Variants in YTHDC2 observed in about 807,000 individuals in gnomAD.
YTHDC2 encodes the protein 3'-5' RNA helicase YTHDC2.
YTHDC2 carries 45 observed loss-of-function variants against 174.9 expected under a neutral mutation model. That is an observed-to-expected ratio of 0.26 (90% CI 0.20 to 0.33). YTHDC2 has a LOEUF of 0.33. YTHDC2 is among the 10% of genes least tolerant of loss of function. YTHDC2 has a pLI of 1.00. For missense variants in YTHDC2, 1,650 were observed against 1,723.7 expected (o/e 0.96, Z 0.76); for synonymous variants, 657 against 574.5 (o/e 1.14, Z -2.05).
At chr5:113,557,772 C>T (rs1776711355) in intron 17 of YTHDC2, among the ~76,000 whole-genome samples, 1 of 151,980 alleles carries the variant, frequency 6.6e-6, no homozygotes, top group East Asian at 1.9e-4. Flanking sequence ...TCTACTCCAG[C>T]CGGAGCGACA....
intron 2 of YTHDC2, among the ~76,000 whole-genome samples, chr5:113,521,069 T>G (rs1434648865): frequency 6.6e-6 from 1 of 152,216 alleles, no homozygotes; most frequent in Non-Finnish European, 1.5e-5. Flanking sequence ...CAGCTCCATC[T>G]GTGTTCCTGC....
intron 2 of YTHDC2, among the ~76,000 whole-genome samples, chr5:113,518,567 G>C (rs191964619): frequency 1.4e-5 from 1 of 70,918 alleles, no homozygotes; most frequent in African/African-American, 1.3e-4. Flanking sequence ...GTGTGTGTGT[G>C]TGTGTGTGTG....
At chr5:113,561,348 A>G (rs527977866) in intron 18 of YTHDC2, among the ~76,000 whole-genome samples, 163 bp downstream of exon 18, 3 of 152,150 alleles carry the variant, frequency 2.0e-5, no homozygotes, top group East Asian at 3.9e-4. Flanking sequence ...TTTTTTCTAT[A>G]TAAGAAAATT....
chr5:113,533,504 GC>G (rs1467526231), intron 5 of YTHDC2, among the ~76,000 whole-genome samples: 1 of 150,906 alleles, frequency 6.6e-6, no homozygotes, highest in Non-Finnish European at 1.5e-5. Context: ...AGCTGAGATC[GC>G]ACCATGGCAC....
intron 10 of YTHDC2, among the ~76,000 whole-genome samples, chr5:113,548,132 A>C (rs1396822170): frequency 6.6e-6 from 1 of 152,178 alleles, no homozygotes; most frequent in Non-Finnish European, 1.5e-5. Context: ...TTAAGTATTC[A>C]TTACTAGTTA....
At chr5:113,533,128 C>A (rs185133758) in intron 5 of YTHDC2, 83 bp downstream of exon 5, 1 of 1,470,940 alleles carries the variant, frequency 6.8e-7, no homozygotes, top group East Asian at 2.4e-5. Flanking sequence ...AGGATGTGTT[C>A]GTTGAAAAGT....
chr5:113,561,613 C>A (rs1410446493), intron 18 of YTHDC2, among the ~76,000 whole-genome samples: 1 of 151,430 alleles, frequency 6.6e-6, no homozygotes, highest in Non-Finnish European at 1.5e-5. Flanking sequence ...GGATTACAGG[C>A]GCCCACCACC....
intron 12 of YTHDC2, among the ~76,000 whole-genome samples, chr5:113,551,649 T>G (rs1776258958): frequency 1.3e-5 from 2 of 152,058 alleles, no homozygotes; most frequent in East Asian, 3.9e-4. Flanking sequence ...GAGAAATACC[T>G]AATGTAAATG....
intron 23 of YTHDC2, among the ~76,000 whole-genome samples, chr5:113,568,606 T>C (rs1396535672): frequency 1.3e-5 from 2 of 152,202 alleles, no homozygotes; most frequent in Non-Finnish European, 2.9e-5. Context: ...CTCCCACTTA[T>C]AAGTGAGAAC....
chr5:113,580,159 G>C (rs539599694), intron 24 of YTHDC2, among the ~76,000 whole-genome samples: 16 of 152,138 alleles, frequency 1.1e-4, no homozygotes, highest in African/African-American at 3.6e-4. Context: ...CATTCATGAA[G>C]CCAGAGCCCT....
chr5:113,572,643 G>T (rs182768726), intron 23 of YTHDC2, among the ~76,000 whole-genome samples: 2 of 152,274 alleles, frequency 1.3e-5, no homozygotes, highest in East Asian at 3.9e-4. Flanking sequence ...ATGAATCTGG[G>T]TGCTCCTGTA....
At chr5:113,531,009 C>T (rs1162626880) in intron 4 of YTHDC2, among the ~76,000 whole-genome samples, 3 of 152,128 alleles carry the variant, frequency 2.0e-5, no homozygotes, top group African/African-American at 7.2e-5. Flanking sequence ...TCTCTCCGCT[C>T]TTTTCTTGCA....
chr5:113,545,929 A>G (rs1273872836), intron 10 of YTHDC2, among the ~76,000 whole-genome samples: 1 of 68,718 alleles, frequency 1.5e-5, no homozygotes, highest in Admixed American at 1.6e-4. Flanking sequence ...TTTAGTAGAG[A>G]CGGGGTTTCA....
At chr5:113,532,797 T>C in intron 4 of YTHDC2, 82 bp from the exon 5 acceptor site, 1 of 1,277,266 alleles carries the variant, frequency 7.8e-7, no homozygotes, top group African/African-American at 1.5e-5. Flanking sequence ...ACTTCAATTC[T>C]AGTGGTTTTT....
chr5:113,567,863 G>T lies in YTHDC2; in HGVS notation c.3244+14G>T. The T allele has an allele frequency of 6.9e-7, 1 of 1,447,716 alleles. No homozygotes were observed. Among genetic ancestry groups the T allele is most frequent in the South Asian group, 1.6e-5 (1 of 61,490 alleles). 89.7% of individuals were successfully genotyped at this position (1,447,716 alleles called of 1,614,324 possible). A position where few individuals can be genotyped will look rare whatever the true frequency, so the allele number is the denominator to read the frequency against. On this transcript the variant is annotated intron_variant, in intron 23 of 29. Coordinates refer to ENST00000161863, the MANE Select transcript of YTHDC2 (RefSeq NM_022828.5). ...CATCCTTTAGAGGTAAATGTATTAAGGAAATAAAAATCTATTTGAAATGAA... is the reference window on the plus strand; with the variant it reads ...CATCCTTTAGAGGTAAATGTATTAATGAAATAAAAATCTATTTGAAATGAA...
chr5:113,545,510 G>T (rs1775806567), intron 10 of YTHDC2, among the ~76,000 whole-genome samples: 1 of 146,150 alleles, frequency 6.8e-6, no homozygotes. Flanking sequence ...AGCCTCCAGA[G>T]CTTTGGATTT....
intron 8 of YTHDC2, among the ~76,000 whole-genome samples, chr5:113,539,957 A>G (rs1212622054): frequency 6.6e-6 from 1 of 152,156 alleles, no homozygotes; most frequent in Non-Finnish European, 1.5e-5. Flanking sequence ...GCTGGAGTGC[A>G]TTGGTGCAAT....
chr5:113,567,082 T>TC lies in YTHDC2; in HGVS notation c.2843-6dup, dbSNP rs766405202. On this transcript the variant is annotated splice_polypyrimidine_tract_variant and intron_variant, in intron 21 of 29. Transcript: ENST00000161863. The stretch of plus-strand genomic sequence containing the variant: ...AATAGAAAAATTGGTGTGGTTTTTT[T>TC]CCCCTCTAGGTTTTGTTAGAGCACG... 1.2e-6 allele frequency: 2 copies of TC among 1,603,546 alleles called. No homozygotes were observed. Among genetic ancestry groups the TC allele is most frequent in the Non-Finnish European group, 1.7e-6 (2 of 1,176,414 alleles).
intron 4 of YTHDC2, among the ~76,000 whole-genome samples, chr5:113,529,110 C>G (rs540176179): frequency 6.6e-6 from 1 of 151,752 alleles, no homozygotes; most frequent in African/African-American, 2.4e-5. Flanking sequence ...GCATAGTATT[C>G]GTGAACATTT....
Sources: allele counts gnomAD v4.1 joint callset (sites outside exome capture counted in the v4.1 genomes callset), GRCh38; gene constraint gnomAD v4.1.1; transcripts MANE v1.5; gene names NCBI Gene and HGNC (gene_info 2026-07-23, HGNC 2026-07-21).